The following MYO16 variants were observed in gnomAD, a reference collection of about 807,000 sequenced individuals.
MYO16 encodes the protein unconventional myosin-XVI.
Under a neutral mutation model 205.3 loss-of-function variants are expected in MYO16, and 94 were observed. That is an observed-to-expected ratio of 0.46 (90% CI 0.39 to 0.54). MYO16 has a LOEUF of 0.54. Among genes scored for constraint, MYO16 ranks in the 20% least tolerant of loss-of-function variants. The pLI, the probability that MYO16 is intolerant of heterozygous loss-of-function variation, is 0.00. For synonymous variants in MYO16, 988 were observed against 954.0 expected, an observed-to-expected ratio of 1.04 and a Z score of -0.66; for missense variants, 2,315 against 2,387.5, an observed-to-expected ratio of 0.97 and a Z score of 0.63.
At chr13:108,632,841 G>A (rs1452848537) in intron 1 of MYO16, among the ~76,000 whole-genome samples, 2 of 152,126 alleles carry the variant, frequency 1.3e-5, no homozygotes, top group Non-Finnish European at 2.9e-5. Flanking sequence ...TGAGGCGCAA[G>A]CAGAAATGAG....
chr13:108,548,230 GGTGGTGGTGGTGGTGGCA>G, the MYO16 span, among the ~76,000 whole-genome samples: 3 of 151,900 alleles, frequency 2.0e-5, no homozygotes, highest in Non-Finnish European at 4.4e-5. Flanking sequence ...TGGTGGTGGT[GGTGGTGGTGGTGGTGGCA>G]GTGGTGGTGG....
At chr13:109,045,282 G>GT (rs1887004199) in intron 23 of MYO16, among the ~76,000 whole-genome samples, 1 of 152,162 alleles carries the variant, frequency 6.6e-6, no homozygotes, top group African/African-American at 2.4e-5. Context: ...ACACGGATGT[G>GT]TAGCAACATC....
At chr13:108,619,399 C>T (rs1252248120) in intron 1 of MYO16, among the ~76,000 whole-genome samples, 1 of 152,112 alleles carries the variant, frequency 6.6e-6, no homozygotes, top group Non-Finnish European at 1.5e-5. Context: ...TATACCTCTT[C>T]CCTTGATAAA....
At chr13:108,704,288 A>G (rs1883419949) in intron 2 of MYO16, among the ~76,000 whole-genome samples, 1 of 152,242 alleles carries the variant, frequency 6.6e-6, no homozygotes, top group South Asian at 2.1e-4. Context: ...AAATGAAAAT[A>G]CTACATACTA....
chr13:108,796,767 T>G (rs2138955248), intron 6 of MYO16, among the ~76,000 whole-genome samples: 3 of 84,372 alleles, frequency 3.6e-5, no homozygotes, highest in Admixed American at 1.5e-4. Flanking sequence ...GGGCCTGTTG[T>G]GGGGTGGGGG....
chr13:109,111,769 C>T (rs1180318712), intron 28 of MYO16, among the ~76,000 whole-genome samples: 2 of 151,880 alleles, frequency 1.3e-5, no homozygotes, highest in Non-Finnish European at 2.9e-5. Flanking sequence ...TCACTGCAAC[C>T]TCCGCCTCCC....
chr13:108,981,103 C>T (rs1313907371), intron 20 of MYO16, among the ~76,000 whole-genome samples: 6 of 152,120 alleles, frequency 3.9e-5, no homozygotes, highest in African/African-American at 1.4e-4. Context: ...CTAAATAACC[C>T]TTTAAAATAT....
chr13:109,088,777 G>A (rs1888525909), intron 27 of MYO16, among the ~76,000 whole-genome samples: 1 of 152,168 alleles, frequency 6.6e-6, no homozygotes, highest in South Asian at 2.1e-4. Context: ...AGCGCCTTTA[G>A]ACAGAAGCAC....
chr13:109,153,675 C>T (rs1165539956), intron 32 of MYO16, among the ~76,000 whole-genome samples: 1 of 152,178 alleles, frequency 6.6e-6, no homozygotes, highest in Admixed American at 6.5e-5. Context: ...AGGAGAATCA[C>T]TTGAACCCTG....
At chr13:109,021,105 GA>G (rs1327923223) in intron 23 of MYO16, among the ~76,000 whole-genome samples, 1 of 152,080 alleles carries the variant, frequency 6.6e-6, no homozygotes, top group African/African-American at 2.4e-5. Flanking sequence ...GAGAAGGGGG[GA>G]CATTCTTGGA....
intron 32 of MYO16, among the ~76,000 whole-genome samples, chr13:109,142,174 T>G (rs1040602495): frequency 1.3e-5 from 2 of 152,256 alleles, no homozygotes; most frequent in Non-Finnish European, 2.9e-5. Context: ...TTCCTTCAGA[T>G]GACACGACCT....
Position 108,856,858 on chromosome 13 carries a change from A to T in MYO16, c.1359+1305A>T, listed in dbSNP as rs376240396. ...AGGCTTCATCATTCTTTTTCAATCC[A>T]ATCTCACAATGAACTAGAGTAAGTT... On this transcript the variant is annotated intron_variant, in intron 11 of 34. Transcript: ENST00000457511. 5.9e-5 allele frequency among the ~76,000 whole-genome samples: 9 copies of T among 152,258 alleles called. No homozygotes were observed. In the South Asian group the frequency reaches 8.3e-4, roughly 14 times the overall value.
chr13:108,811,053 T>C (rs1887276153), intron 7 of MYO16, among the ~76,000 whole-genome samples: 2 of 152,172 alleles, frequency 1.3e-5, no homozygotes. Context: ...ATTCTAGTCT[T>C]GTATGTATTT....
chr13:108,991,456 A>G (rs1438599686), intron 20 of MYO16, among the ~76,000 whole-genome samples: 1 of 152,362 alleles, frequency 6.6e-6, no homozygotes, highest in East Asian at 1.9e-4. Flanking sequence ...TTCTGGAAGA[A>G]CTTTTAAAGT....
chr13:108,733,923 C>T (rs1247994177), intron 4 of MYO16, among the ~76,000 whole-genome samples: 1 of 152,082 alleles, frequency 6.6e-6, no homozygotes, highest in Non-Finnish European at 1.5e-5. Flanking sequence ...GAGCCGAGAT[C>T]GCGCCATTGC....
the MYO16 span, among the ~76,000 whole-genome samples, chr13:108,587,318 T>C: frequency 6.6e-6 from 1 of 152,160 alleles, no homozygotes; most frequent in Non-Finnish European, 1.5e-5. Flanking sequence ...CTGCTGGCTT[T>C]CTGAGAAAAG....
chr13:108,577,909 A>T, the MYO16 span, among the ~76,000 whole-genome samples: 1 of 152,086 alleles, frequency 6.6e-6, no homozygotes, highest in Non-Finnish European at 1.5e-5. Context: ...TTTTCATTCC[A>T]CTTGAGGAGT....
chr13:109,122,192 C>T (rs185811245), intron 29 of MYO16, among the ~76,000 whole-genome samples: 35 of 152,264 alleles, frequency 2.3e-4, no homozygotes, highest in South Asian at 2.3e-3. Context: ...TTTAATCTAA[C>T]GCTAAAGACA....
At chr13:109,179,448 A>G in intron 33 of MYO16, 94 bp from the exon 34 acceptor site, 1 of 781,870 alleles carries the variant, frequency 1.3e-6, no homozygotes, top group African/African-American at 1.7e-5. Context: ...TTCATAAAAG[A>G]TAACAATTCT....
Sources: gnomAD v4.1 joint callset for allele counts (sites outside exome capture counted in the v4.1 genomes callset) on GRCh38, gnomAD v4.1.1 for gene constraint, MANE v1.5 for transcripts, NCBI Gene and HGNC (gene_info 2026-07-23, HGNC 2026-07-21) for gene names.